Variants in MAGI2 observed in about 807,000 individuals in gnomAD.
The protein encoded by MAGI2 is membrane associated guanylate kinase, WW and PDZ domain containing 2, also known as membrane-associated guanylate kinase, WW and PDZ domain-containing protein 2.
MAGI2 carries 35 observed loss-of-function variants against 133.3 expected under a neutral mutation model. The ratio of observed to expected loss-of-function variants is 0.26; its 90% CI spans 0.20 to 0.35. MAGI2 has a LOEUF of 0.35. Ranked by LOEUF, MAGI2 falls within the 10% of genes least tolerant of loss-of-function variation. MAGI2 has a pLI of 1.00. For missense variants in MAGI2, 1,636 were observed against 1,863.4 expected (o/e 0.88, Z 2.25); for synonymous variants, 729 against 710.6 (o/e 1.03, Z -0.41).
chr7:78,601,849 A>G (rs1231859081), intron 3 of MAGI2, among the ~76,000 whole-genome samples: 2 of 152,214 alleles, frequency 1.3e-5, no homozygotes, highest in Non-Finnish European at 2.9e-5. Flanking sequence ...GACGGCTTGT[A>G]TATCATTTGG....
At chr7:78,988,197 T>C (rs1024501667) in intron 2 of MAGI2, among the ~76,000 whole-genome samples, 2 of 152,006 alleles carry the variant, frequency 1.3e-5, no homozygotes, top group African/African-American at 4.8e-5. Flanking sequence ...CTTATTTACA[T>C]CCATGTCCAG....
rs1250691917 is a variant in MAGI2 at position 79,194,971 on chromosome 7, A to G, written c.302-187765T>C. Among the ~76,000 whole-genome samples, 4 of 152,142 alleles carry G rather than the reference A, an allele frequency of 2.6e-5. No individual in the cohort carries two copies. The East Asian group carries it at 5.8e-4, about 22-fold the overall frequency. ...ATAACATTTTAAGAAAGACATGCCC[A>G]AAGTTCATTTAGGAGAAGCTCTTGG... On this transcript the variant is annotated intron_variant, in intron 1 of 21. Transcript: ENST00000354212.
chr7:78,020,084 C>G, intron 21 of MAGI2, 108 bp from the exon 22 acceptor site: 1 of 986,574 alleles, frequency 1.0e-6, no homozygotes, highest in Non-Finnish European at 1.4e-6. Flanking sequence ...TCTCAGGGGC[C>G]GGAGCCACCG....
chr7:78,604,146 T>C (rs1805528023), intron 3 of MAGI2, among the ~76,000 whole-genome samples: 2 of 152,158 alleles, frequency 1.3e-5, no homozygotes, highest in Admixed American at 1.3e-4. Context: ...GTCATGGAGC[T>C]GGTATCAAAA....
intron 7 of MAGI2, among the ~76,000 whole-genome samples, chr7:78,346,361 C>T (rs1161276387): frequency 6.6e-6 from 1 of 152,154 alleles, no homozygotes; most frequent in East Asian, 1.9e-4. Flanking sequence ...ATGCATGAAA[C>T]TAAGTGGTCA....
rs1201147944 is a variant in MAGI2 at position 78,886,470 on chromosome 7, T to C, written c.418+120620A>G. ...ATTGACTGATTGACTGACCAAGTCATGACTTACTTTGAGAAATCCCTGCAA... is the reference window on the plus strand; with the variant it reads ...ATTGACTGATTGACTGACCAAGTCACGACTTACTTTGAGAAATCCCTGCAA... On this transcript the variant is annotated intron_variant, in intron 2 of 21. Coordinates refer to ENST00000354212, the MANE Select transcript of MAGI2 (RefSeq NM_012301.4). Among the ~76,000 whole-genome samples the C allele has an allele frequency of 7.2e-5, 11 of 152,350 alleles. No individual in the cohort carries two copies. The East Asian group carries it at 1.9e-3, about 27-fold the overall frequency.
intron 1 of MAGI2, among the ~76,000 whole-genome samples, chr7:79,127,160 A>G (rs1584992143): frequency 6.6e-6 from 1 of 152,244 alleles, no homozygotes; most frequent in South Asian, 2.1e-4. Flanking sequence ...ATAGTATTCC[A>G]TGGTGTATAT....
intron 6 of MAGI2, among the ~76,000 whole-genome samples, chr7:78,407,301 G>T (rs1444831458): frequency 6.6e-6 from 1 of 151,880 alleles, no homozygotes; most frequent in Non-Finnish European, 1.5e-5. Context: ...AGGATAGCGT[G>T]CTTAGTGAAA....
chr7:78,868,760 T>C (rs1563602121), intron 2 of MAGI2, among the ~76,000 whole-genome samples: 1 of 106,310 alleles, frequency 9.4e-6, no homozygotes, highest in African/African-American at 3.0e-5. Context: ...AAGTAATACA[T>C]ACTTTTTTTT....
intron 2 of MAGI2, among the ~76,000 whole-genome samples, chr7:78,648,063 TGCA>T (rs1437649432): frequency 6.6e-6 from 1 of 152,150 alleles, no homozygotes; most frequent in Non-Finnish European, 1.5e-5. Flanking sequence ...AGTTGACATG[TGCA>T]GCAAACCAAC....
chr7:78,660,290 A>G (rs1485680193), intron 2 of MAGI2, among the ~76,000 whole-genome samples: 1 of 152,176 alleles, frequency 6.6e-6, no homozygotes, highest in Non-Finnish European at 1.5e-5. Context: ...TAATAAAAAA[A>G]AAGACCCTAT....
chr7:78,462,219 C>G (rs1455392485), intron 6 of MAGI2, among the ~76,000 whole-genome samples: 1 of 152,118 alleles, frequency 6.6e-6, no homozygotes, highest in Non-Finnish European at 1.5e-5. Flanking sequence ...TATCCCACTA[C>G]TCATTTTTTG....
At chr7:78,361,535 G>A (rs1275494194) in intron 7 of MAGI2, among the ~76,000 whole-genome samples, 2 of 151,924 alleles carry the variant, frequency 1.3e-5, no homozygotes, top group South Asian at 2.1e-4. Context: ...TTTATTATTG[G>A]CTTTAGGACA....
chr7:78,101,697 T>C (rs976586345), intron 20 of MAGI2, among the ~76,000 whole-genome samples: 2 of 152,062 alleles, frequency 1.3e-5, no homozygotes, highest in South Asian at 2.1e-4. Flanking sequence ...CAAAAATAAA[T>C]GGGACTGCAT....
At chr7:78,108,269 A>C (rs945539388) in intron 20 of MAGI2, among the ~76,000 whole-genome samples, 1 of 152,100 alleles carries the variant, frequency 6.6e-6, no homozygotes, top group African/African-American at 2.4e-5. Context: ...ATTTCCATGC[A>C]TTTGTATTGT....
chr7:78,443,256 T>C (rs1195951972), intron 6 of MAGI2, among the ~76,000 whole-genome samples: 1 of 152,150 alleles, frequency 6.6e-6, no homozygotes, highest in African/African-American at 2.4e-5. Flanking sequence ...CATAAAGAAA[T>C]AGCACAAGGT....
intron 1 of MAGI2, among the ~76,000 whole-genome samples, chr7:79,079,236 C>T (rs146827639): frequency 3.0e-4 from 46 of 152,264 alleles, no homozygotes; most frequent in African/African-American, 1.1e-3. Flanking sequence ...AACTAATGTG[C>T]ATCCAAGTGC....
chr7:78,202,375 T>A (rs1465005842), intron 10 of MAGI2, among the ~76,000 whole-genome samples: 1 of 152,150 alleles, frequency 6.6e-6, no homozygotes, highest in Non-Finnish European at 1.5e-5. Context: ...TAAGTGATGA[T>A]TAATTTTATG....
intron 1 of MAGI2, among the ~76,000 whole-genome samples, chr7:79,101,723 C>CA (rs376256842): frequency 0.69 from 78,129 of 112,776 alleles, 26,991 homozygotes; most frequent in Non-Finnish European, 0.8. Flanking sequence ...GACTCTGTCA[C>CA]AAAAAAAAAA....
Sources: allele counts gnomAD v4.1 joint callset (sites outside exome capture counted in the v4.1 genomes callset), GRCh38; gene constraint gnomAD v4.1.1; transcripts MANE v1.5; gene names NCBI Gene and HGNC (gene_info 2026-07-23, HGNC 2026-07-21).